INTS4: variants seen among roughly 807,000 people sequenced by gnomAD.
The protein encoded by INTS4 is integrator complex subunit 4.
INTS4 carries 70 observed loss-of-function variants against 119.5 expected under a neutral mutation model. That is an observed-to-expected ratio of 0.59 (90% confidence interval 0.48 to 0.71). The LOEUF is 0.71. INTS4 is among the 30% of genes least tolerant of loss of function. The pLI is 0.00. For missense variants in INTS4, 867 were observed against 1,173.2 expected, an observed-to-expected ratio of 0.74 and a Z score of 3.81; for synonymous variants, 316 against 419.6, an observed-to-expected ratio of 0.75 and a Z score of 3.02.
At chr11:77,926,798 C>T (rs1224579215) in intron 11 of INTS4, among the ~76,000 whole-genome samples, 15 of 124,764 alleles carry the variant, frequency 1.2e-4, no homozygotes, top group Non-Finnish European at 2.1e-4. Context: ...GGGAACAGAG[C>T]GAGACTCAGC....
At chr11:77,956,705 T>A (rs1954331590) in intron 7 of INTS4, among the ~76,000 whole-genome samples, 1 of 76,336 alleles carries the variant, frequency 1.3e-5, no homozygotes, top group Non-Finnish European at 2.7e-5. Flanking sequence ...AGACTCCATC[T>A]CAAAAAATAA....
In INTS4 at chr11:77,921,207, G is replaced by C. The variant is rs965903006; in HGVS notation, c.1764+133C>G. The C allele has an allele frequency of 9.3e-6, 7 of 751,114 alleles. No individual in the cohort carries two copies. The African/African-American group carries it at 1.1e-4, about 11-fold the overall frequency. 46.5% of individuals were successfully genotyped at this position (751,114 alleles called of 1,614,324 possible). A position where few individuals can be genotyped will look rare whatever the true frequency, so the allele number is the denominator to read the frequency against. ...GTGACTTGGGAGGCTGAGCCAGGAGGATGGCTTAAGCCCAGGAGTTTGAGA... is the reference window on the plus strand; with the variant it reads ...GTGACTTGGGAGGCTGAGCCAGGAGCATGGCTTAAGCCCAGGAGTTTGAGA... On this transcript the variant is annotated intron_variant, in intron 14 of 22. Transcript: ENST00000534064.
intron 2 of INTS4, among the ~76,000 whole-genome samples, chr11:77,989,658 G>A (rs893989496): frequency 6.6e-6 from 1 of 151,816 alleles, no homozygotes; most frequent in Non-Finnish European, 1.5e-5. Context: ...GGAAGCCCAA[G>A]GAGGGTGGAT....
chr11:77,897,508 AT>A (rs977241174), intron 18 of INTS4, among the ~76,000 whole-genome samples: 6 of 148,344 alleles, frequency 4.0e-5, no homozygotes, highest in Non-Finnish European at 7.5e-5. Context: ...TATTATTATT[AT>A]TTTTTTTTTG....
At chr11:77,929,064 TC>T (rs1175052552) in intron 10 of INTS4, among the ~76,000 whole-genome samples, 1 of 150,566 alleles carries the variant, frequency 6.6e-6, no homozygotes, top group Non-Finnish European at 1.5e-5. Context: ...AAACTGCACA[TC>T]AGCCAGGTGC....
intron 14 of INTS4, among the ~76,000 whole-genome samples, chr11:77,920,368 G>C (rs1198003614): frequency 6.6e-6 from 1 of 150,476 alleles, no homozygotes; most frequent in Non-Finnish European, 1.5e-5. Context: ...CACCCAAGCA[G>C]GGATGAGTTA....
intron 5 of INTS4, 97 bp downstream of exon 5, chr11:77,960,856 G>T: frequency 4.6e-6 from 5 of 1,095,180 alleles, no homozygotes; most frequent in African/African-American, 3.2e-5. Flanking sequence ...GAAAGTATAT[G>T]CTGAAGAATT....
chr11:77,895,299 A>G (rs1952461431), intron 18 of INTS4, among the ~76,000 whole-genome samples: 1 of 152,160 alleles, frequency 6.6e-6, no homozygotes, highest in Non-Finnish European at 1.5e-5. Context: ...CCACCAAGAT[A>G]AAACAAATAC....
Position 77,901,982 on chromosome 11 carries a change from T to C in INTS4, c.2098-431A>G, listed in dbSNP as rs529255681. Among the ~76,000 whole-genome samples, 5 of 152,284 alleles carry C rather than the reference T, an allele frequency of 3.3e-5. No individual in the cohort carries two copies. In the South Asian group the frequency reaches 1.0e-3, roughly 32 times the overall value. On this transcript the variant is annotated intron_variant, in intron 17 of 22. Coordinates refer to ENST00000534064, the MANE Select transcript of INTS4 (RefSeq NM_033547.4). ...TTAGTTATCCTGACAGACTGTTCCA[T>C]GGGCCTGGTCTGAGGGAGTTTGGGA...
chr11:77,920,258 C>CACAT (rs368377404), intron 14 of INTS4, among the ~76,000 whole-genome samples: 3 of 142,498 alleles, frequency 2.1e-5, no homozygotes, highest in Non-Finnish European at 3.0e-5. Flanking sequence ...TACATATATA[C>CACAT]ATATATACAC....
chr11:77,886,644 A>C (rs146851773), intron 21 of INTS4, among the ~76,000 whole-genome samples: 28 of 152,344 alleles, frequency 1.8e-4, no homozygotes, highest in Non-Finnish European at 3.4e-4. Context: ...ACCACAGCCA[A>C]GGGAATGGGC....
chr11:77,876,920 G>A (rs1850740435), downstream of INTS4: 1 of 701,944 alleles, frequency 1.4e-6, no homozygotes, highest in Non-Finnish European at 2.6e-6. Context: ...GGCTCAGGCA[G>A]CAGCCATGGT....
intron 5 of INTS4, 102 bp from the exon 6 acceptor site, chr11:77,960,493 C>T: frequency 1.1e-6 from 1 of 884,712 alleles, no homozygotes; most frequent in Non-Finnish European, 1.8e-6. Flanking sequence ...ATCAGGCTAA[C>T]ATGGTTCCTT....
Position 77,924,900 on chromosome 11 carries a change from A to G in INTS4, c.1372-8T>C, listed in dbSNP as rs770167752. Reference sequence around the variant, plus strand: ...AATATCTCTGGATGAATCCTTTTAAAAAAAAAGTAATAATAACAGTAGTTA... The same window carrying G: ...AATATCTCTGGATGAATCCTTTTAAGAAAAAAGTAATAATAACAGTAGTTA... On this transcript the variant is annotated splice_polypyrimidine_tract_variant and splice_region_variant and intron_variant, in intron 11 of 22. Coordinates refer to ENST00000534064, the MANE Select transcript of INTS4 (RefSeq NM_033547.4). The G allele has an allele frequency of 6.3e-7, 1 of 1,598,864 alleles. No homozygotes were observed. Among genetic ancestry groups the G allele is most frequent in the Non-Finnish European group, 8.6e-7 (1 of 1,168,820 alleles).
chr11:77,913,953 G>T (rs1445612647), intron 15 of INTS4, among the ~76,000 whole-genome samples: 1 of 152,158 alleles, frequency 6.6e-6, no homozygotes, highest in Non-Finnish European at 1.5e-5. Flanking sequence ...GGGGTCAACT[G>T]ATCTAATCTC....
intron 18 of INTS4, among the ~76,000 whole-genome samples, chr11:77,895,779 TACA>T (rs1952491140): frequency 1.3e-5 from 2 of 151,848 alleles, no homozygotes; most frequent in Non-Finnish European, 2.9e-5. Flanking sequence ...GGAAGTAAAA[TACA>T]AAAAGATTTG....
At chr11:77,934,360 C>G (rs1565255757) in intron 10 of INTS4, among the ~76,000 whole-genome samples, 1 of 149,370 alleles carries the variant, frequency 6.7e-6, no homozygotes, top group Non-Finnish European at 1.5e-5. Context: ...AAATCCCCCT[C>G]TCTGAGAAAC....
intron 8 of INTS4, among the ~76,000 whole-genome samples, chr11:77,953,910 T>C (rs1954256049): frequency 6.8e-6 from 1 of 147,680 alleles, no homozygotes; most frequent in South Asian, 2.1e-4. Context: ...GCCTCCCGGG[T>C]TCAAGCGATT....
In INTS4 at chr11:77,941,060, G is replaced by A. The variant is rs571774694; in HGVS notation, c.990+120C>T. 7.4e-6 allele frequency: 10 copies of A among 1,360,096 alleles called. No homozygotes were observed. The African/African-American group carries it at 1.5e-4, about 20-fold the overall frequency. 84.3% of individuals were successfully genotyped at this position (1,360,096 alleles called of 1,614,324 possible). A position where few individuals can be genotyped will look rare whatever the true frequency, so the allele number is the denominator to read the frequency against. On this transcript the variant is annotated intron_variant, in intron 9 of 22. Transcript: ENST00000534064. ...ATTTACTAAGATTTTAAATTAAAAT[G>A]TAATACAGTTATCATGTTAATTTAA...
Sources: gnomAD v4.1 joint callset for allele counts (sites outside exome capture counted in the v4.1 genomes callset) on GRCh38, gnomAD v4.1.1 for gene constraint, MANE v1.5 for transcripts, NCBI Gene and HGNC (gene_info 2026-07-23, HGNC 2026-07-21) for gene names.